SUPT3H: variants seen among roughly 807,000 people sequenced by gnomAD.
SUPT3H encodes the protein SPT3 homolog, SAGA and STAGA complex component.
Under a neutral mutation model 44.3 loss-of-function variants are expected in SUPT3H, and 44 were observed. The observed-to-expected ratio is 0.99, with a 90% CI of 0.78 to 1.28. The LOEUF (loss-of-function observed/expected upper bound fraction) is 1.28. SUPT3H is among the 50% of genes most tolerant of loss of function. The pLI, the probability that SUPT3H is intolerant of heterozygous loss-of-function variation, is 0.00. For missense variants in SUPT3H, 380 were observed against 387.1 expected, an observed-to-expected ratio of 0.98 and a Z score of 0.15; for synonymous variants, 124 against 125.6, an observed-to-expected ratio of 0.99 and a Z score of 0.09.
In SUPT3H at chr6:45,323,806, T is replaced by C. The variant is rs558435909; in HGVS notation, c.101+41395A>G. ...TATAGGACAGTTTTACCTACAGCCATGTTCCATAGCACAAAGTTACAGCAG... is the reference window on the plus strand; with the variant it reads ...TATAGGACAGTTTTACCTACAGCCACGTTCCATAGCACAAAGTTACAGCAG... On this transcript the variant is annotated intron_variant, in intron 2 of 10. Transcript: ENST00000371459. Among the ~76,000 whole-genome samples the C allele has an allele frequency of 1.7e-4, 26 of 152,196 alleles. No individual in the cohort carries two copies. The Middle Eastern group carries it at 0.01, about 60-fold the overall frequency.
chr6:45,115,607 A>C (rs1800730571), intron 2 of SUPT3H, among the ~76,000 whole-genome samples: 2 of 152,144 alleles, frequency 1.3e-5, no homozygotes, highest in African/African-American at 4.8e-5. Context: ...AAACAAAACA[A>C]CTTCCAAAAT....
chr6:45,106,945 G>GT (rs1799373869), intron 2 of SUPT3H, among the ~76,000 whole-genome samples: 2 of 152,210 alleles, frequency 1.3e-5, no homozygotes, highest in African/African-American at 4.8e-5. Flanking sequence ...AATTACCAAT[G>GT]TAAGAGCCAC....
At chr6:45,056,281 A>G (rs761941532) in intron 3 of SUPT3H, among the ~76,000 whole-genome samples, 9 of 152,210 alleles carry the variant, frequency 5.9e-5, no homozygotes, top group Non-Finnish European at 8.8e-5. Context: ...GAGATTCCTT[A>G]AAGAACTGAA....
chr6:45,124,289 A>C (rs1802089820), intron 2 of SUPT3H, among the ~76,000 whole-genome samples: 3 of 152,176 alleles, frequency 2.0e-5, no homozygotes, highest in Non-Finnish European at 2.9e-5. Context: ...AATTTGTCAA[A>C]ATATATGGAA....
rs140360152 is a variant in SUPT3H at position 45,252,819 on chromosome 6, T to C, written c.101+112382A>G. Among the ~76,000 whole-genome samples the C allele has an allele frequency of 4.7e-3, 715 of 152,092 alleles. 1 individual carries two copies. The highest frequency in any genetic ancestry group is 8.2e-3 in the Non-Finnish European group (554 of 67,964). On this transcript the variant is annotated intron_variant, in intron 2 of 10. Coordinates refer to ENST00000371459, the MANE Select transcript of SUPT3H (RefSeq NM_003599.4). ...TGAGTAGGGTCAGGGCTGTGATGAATAAAAGAAAATTAGAAATAATGTATC... is the reference window on the plus strand; with the variant it reads ...TGAGTAGGGTCAGGGCTGTGATGAACAAAAGAAAATTAGAAATAATGTATC...
intron 10 of SUPT3H, among the ~76,000 whole-genome samples, chr6:44,864,980 C>T (rs1310429412): frequency 7.2e-5 from 11 of 152,130 alleles, no homozygotes; most frequent in East Asian, 1.9e-4. Flanking sequence ...CCTTATAAAC[C>T]GAATGCCTTT....
chr6:45,132,212 CCT>C (rs1803578349), intron 2 of SUPT3H, among the ~76,000 whole-genome samples: 1 of 152,116 alleles, frequency 6.6e-6, no homozygotes, highest in African/African-American at 2.4e-5. Flanking sequence ...TTCCAGAATT[CCT>C]ATAAAATTAA....
intron 2 of SUPT3H, among the ~76,000 whole-genome samples, chr6:45,279,800 G>C (rs1390879679): frequency 6.6e-6 from 1 of 152,138 alleles, no homozygotes; most frequent in African/African-American, 2.4e-5. Context: ...CATATTGATA[G>C]AGCTGTTATA....
intron 11 of SUPT3H, among the ~76,000 whole-genome samples, chr6:44,818,301 A>G (rs550336787): frequency 6.6e-6 from 1 of 152,264 alleles, no homozygotes; most frequent in East Asian, 1.9e-4. Flanking sequence ...TCTTGTATTA[A>G]TACCATATAC....
intron 10 of SUPT3H, among the ~76,000 whole-genome samples, chr6:44,928,840 G>A (rs1175772728): frequency 1.4e-4 from 18 of 127,846 alleles, no homozygotes; most frequent in African/African-American, 5.6e-4. Context: ...CGGAGATCGC[G>A]CCACAGCACT....
At chr6:44,882,823 T>C (rs1000125471) in intron 10 of SUPT3H, among the ~76,000 whole-genome samples, 2 of 152,112 alleles carry the variant, frequency 1.3e-5, no homozygotes, top group Non-Finnish European at 2.9e-5. Context: ...AGGCCTTCGA[T>C]AAAATTCAAC....
At chr6:45,004,591 T>C (rs913780342) in intron 5 of SUPT3H, among the ~76,000 whole-genome samples, 3 of 151,988 alleles carry the variant, frequency 2.0e-5, no homozygotes, top group Non-Finnish European at 4.4e-5. Flanking sequence ...ATATCACATA[T>C]CATTTTTGCT....
chr6:45,202,696 T>C (rs1173304843), intron 2 of SUPT3H, among the ~76,000 whole-genome samples: 1 of 152,082 alleles, frequency 6.6e-6, no homozygotes, highest in East Asian at 1.9e-4. Context: ...TCATTCCATT[T>C]GGAGCATTAA....
At chr6:45,316,052 T>C (rs757621402) in intron 2 of SUPT3H, among the ~76,000 whole-genome samples, 5 of 152,196 alleles carry the variant, frequency 3.3e-5, no homozygotes, top group Non-Finnish European at 5.9e-5. Context: ...GAGACTATTA[T>C]TCCAAGTGAA....
At chr6:45,111,248 G>A (rs1800012164) in intron 2 of SUPT3H, among the ~76,000 whole-genome samples, 1 of 152,030 alleles carries the variant, frequency 6.6e-6, no homozygotes, top group Non-Finnish European at 1.5e-5. Context: ...GGCCAGGCTG[G>A]TCTCGAACTC....
At chr6:44,840,319 T>C (rs534234881) in intron 10 of SUPT3H, among the ~76,000 whole-genome samples, 8 of 152,174 alleles carry the variant, frequency 5.3e-5, no homozygotes, top group African/African-American at 1.2e-4. Flanking sequence ...TCCAGTCCAA[T>C]TGGTGGTGGG....
intron 4 of SUPT3H, among the ~76,000 whole-genome samples, chr6:45,015,138 T>C (rs1007064457): frequency 1.3e-5 from 2 of 152,064 alleles, no homozygotes; most frequent in African/African-American, 4.8e-5. Context: ...TACTCACACA[T>C]TGCTTAATGA....
At chr6:45,338,980 A>G (rs1398849475) in intron 2 of SUPT3H, among the ~76,000 whole-genome samples, 5 of 152,188 alleles carry the variant, frequency 3.3e-5, no homozygotes, top group South Asian at 4.1e-4. Flanking sequence ...GTATAAAATG[A>G]CATGTAATAA....
intron 2 of SUPT3H, among the ~76,000 whole-genome samples, chr6:45,229,758 C>CA (rs893353850): frequency 6.6e-6 from 1 of 150,894 alleles, no homozygotes; most frequent in Non-Finnish European, 1.5e-5. Flanking sequence ...TTGTTACATG[C>CA]AAAAAAAAGT....
Sources: allele counts gnomAD v4.1 joint callset (sites outside exome capture counted in the v4.1 genomes callset), GRCh38; gene constraint gnomAD v4.1.1; transcripts MANE v1.5; gene names NCBI Gene and HGNC (gene_info 2026-07-23, HGNC 2026-07-21).